Variants in DAB1 observed in about 807,000 individuals in gnomAD.
DAB1 encodes the protein disabled homolog 1.
In DAB1, 15 loss-of-function variants were observed where a neutral mutation model predicts 64.6. That is an observed-to-expected ratio of 0.23 (90% CI 0.16 to 0.36). The LOEUF is 0.36. DAB1 is among the 10% of genes least tolerant of loss of function. The pLI, the probability that DAB1 is intolerant of heterozygous loss-of-function variation, is 1.00. For synonymous variants in DAB1, 235 were observed against 251.9 expected (o/e 0.93, Z 0.64); for missense variants, 596 against 706.7 (o/e 0.84, Z 1.78).
chr1:57,418,530 G>T (rs2991516), intron 1 of DAB1, among the ~76,000 whole-genome samples: 69,677 of 151,944 alleles, frequency 0.46, 16,287 homozygotes, highest in African/African-American at 0.53. Flanking sequence ...GTGGTCAAGA[G>T]GGCCGATTTG....
intron 7 of DAB1, among the ~76,000 whole-genome samples, chr1:57,545,846 A>G (rs988220683): frequency 3.3e-5 from 5 of 152,180 alleles, no homozygotes; most frequent in African/African-American, 1.2e-4. Context: ...CCCCTCAAAT[A>G]CTTTGTACTT....
chr1:57,318,315 G>A (rs1008876259), intron 1 of DAB1, among the ~76,000 whole-genome samples: 8 of 152,050 alleles, frequency 5.3e-5, no homozygotes, highest in African/African-American at 1.9e-4. Flanking sequence ...AAAGAAAATT[G>A]GTTGTTTCTT....
At chr1:57,677,288 G>A (rs532920273) in intron 6 of DAB1, among the ~76,000 whole-genome samples, 12 of 152,182 alleles carry the variant, frequency 7.9e-5, no homozygotes, top group Non-Finnish European at 1.6e-4. Flanking sequence ...TTTTGTCATG[G>A]CAGCCCAAGT....
At chr1:58,109,237 G>A (rs192912644) in intron 5 of DAB1, among the ~76,000 whole-genome samples, 19 of 152,270 alleles carry the variant, frequency 1.2e-4, no homozygotes, top group Admixed American at 1.2e-3. Flanking sequence ...CAGTCACCAG[G>A]TCTAACACAT....
intron 7 of DAB1, among the ~76,000 whole-genome samples, chr1:57,595,096 A>G (rs1253378797): frequency 6.6e-6 from 1 of 152,030 alleles, no homozygotes; most frequent in African/African-American, 2.4e-5. Flanking sequence ...ATTTCTACCC[A>G]CTTCCATTAA....
chr1:57,198,671 A>T (rs1176959047), intron 2 of DAB1, among the ~76,000 whole-genome samples: 71 of 151,182 alleles, frequency 4.7e-4, no homozygotes, highest in African/African-American at 1.5e-3. Flanking sequence ...ACACACACAC[A>T]CACACACACA....
chr1:57,230,335 A>AAAAAAAAC (rs1557985124), intron 2 of DAB1, among the ~76,000 whole-genome samples: 2 of 145,518 alleles, frequency 1.4e-5, no homozygotes, highest in Non-Finnish European at 1.5e-5. Flanking sequence ...AAAAAAAAAA[A>AAAAAAAAC]AAAACAGCTG....
At chr1:57,205,571 C>G (rs1466992421) in intron 2 of DAB1, among the ~76,000 whole-genome samples, 3 of 152,204 alleles carry the variant, frequency 2.0e-5, no homozygotes, top group Admixed American at 1.3e-4. Context: ...TCATCAACTA[C>G]TATGTGTCAG....
chr1:57,492,435 T>C (rs997387990), intron 7 of DAB1, among the ~76,000 whole-genome samples: 8 of 152,200 alleles, frequency 5.3e-5, no homozygotes, highest in Non-Finnish European at 1.2e-4. Context: ...AGAATTACTC[T>C]GGAAACTCTA....
chr1:58,501,542 C>T (rs1055764718), intron 3 of DAB1, among the ~76,000 whole-genome samples: 1 of 152,170 alleles, frequency 6.6e-6, no homozygotes, highest in Admixed American at 6.5e-5. Flanking sequence ...TCCACCCACA[C>T]TGGTTTTCTT....
At chr1:58,376,500 T>A (rs1644328040) in intron 3 of DAB1, among the ~76,000 whole-genome samples, 1 of 143,060 alleles carries the variant, frequency 7.0e-6, no homozygotes, top group African/African-American at 2.6e-5. Flanking sequence ...TGAGTGAGAT[T>A]CTTAATCCTG....
intron 4 of DAB1, among the ~76,000 whole-genome samples, chr1:58,280,865 T>G (rs994853320): frequency 1.3e-5 from 2 of 152,172 alleles, no homozygotes; most frequent in Admixed American, 1.3e-4. Flanking sequence ...CCAAGAAAGA[T>G]ATCTGACAAT....
At chr1:57,185,560 G>A (rs909398485) in intron 2 of DAB1, among the ~76,000 whole-genome samples, 9 of 152,134 alleles carry the variant, frequency 5.9e-5, no homozygotes, top group African/African-American at 1.9e-4. Flanking sequence ...GCAACCTCAC[G>A]CATAGAGGGC....
chr1:58,229,711 T>C (rs1379688776), intron 4 of DAB1, among the ~76,000 whole-genome samples: 1 of 152,212 alleles, frequency 6.6e-6, no homozygotes, highest in Non-Finnish European at 1.5e-5. Flanking sequence ...GGCAAAGCAC[T>C]GGCTAAGCAC....
rs71051230 is a variant in DAB1 at position 57,439,425 on chromosome 1, CTTT to C, written n.626-148262_626-148260del. 6.2e-4 allele frequency among the ~76,000 whole-genome samples: 61 copies of C among 98,000 alleles called. 5 individuals are homozygous for C. The highest frequency in any genetic ancestry group is 7.5e-5 in the Non-Finnish European group (4 of 53,194). The allele number at this position is 98,000 out of a possible 152,430, so 64.3% of individuals were successfully genotyped here. On this transcript the variant is annotated intron_variant and non_coding_transcript_variant, in intron 7 of 20. Transcript: ENST00000485760. ...CATCAACTTGGTGATGAGGTTTTTT[CTTT>C]TTTTTTTTTTTTTTTTTTTGAGACG...
At chr1:57,571,122 C>G (rs942836310) in intron 7 of DAB1, among the ~76,000 whole-genome samples, 4 of 152,080 alleles carry the variant, frequency 2.6e-5, no homozygotes. Flanking sequence ...TTAGGGTTTT[C>G]TAGGTATATC....
At chr1:57,639,851 C>A (rs550170340) in intron 7 of DAB1, among the ~76,000 whole-genome samples, 2 of 152,264 alleles carry the variant, frequency 1.3e-5, no homozygotes, top group Admixed American at 1.3e-4. Context: ...AAAACACAAA[C>A]CATACAGAGT....
At chr1:58,344,612 G>C (rs949341275) in intron 3 of DAB1, among the ~76,000 whole-genome samples, 4 of 152,162 alleles carry the variant, frequency 2.6e-5, no homozygotes, top group African/African-American at 7.2e-5. Context: ...AGCCCCTTCT[G>C]GATATAAAAC....
At chr1:57,724,282 GGAAC>G (rs199679242) in intron 6 of DAB1, among the ~76,000 whole-genome samples, 5,803 of 110,434 alleles carry the variant, frequency 0.053, 294 homozygotes, top group African/African-American at 0.18. Flanking sequence ...AAGGAAGGAA[GGAAC>G]GAAGGAAGGA....
Sources: allele counts gnomAD v4.1 joint callset (sites outside exome capture counted in the v4.1 genomes callset), GRCh38; gene constraint gnomAD v4.1.1; transcripts MANE v1.5; gene names NCBI Gene and HGNC (gene_info 2026-07-23, HGNC 2026-07-21).